The following MB21D2 variants were observed in gnomAD, a reference collection of about 807,000 sequenced individuals.
MB21D2 encodes the protein Mab-21 domain containing 2.
A neutral mutation model predicts 33.3 loss-of-function variants in MB21D2; 9 were observed. The observed-to-expected ratio is 0.27, with a 90% CI of 0.16 to 0.47. The LOEUF (loss-of-function observed/expected upper bound fraction) is 0.47. MB21D2 is among the 20% of genes least tolerant of loss of function. MB21D2 has a pLI of 0.99. For missense variants in MB21D2, 540 were observed against 624.6 expected (o/e 0.86, Z 1.44); for synonymous variants, 241 against 236.3 (o/e 1.02, Z -0.18).
At chr3:192,899,319 A>C (rs993528922) in intron 1 of MB21D2, among the ~76,000 whole-genome samples, 9 of 152,126 alleles carry the variant, frequency 5.9e-5, no homozygotes, top group African/African-American at 2.2e-4. Context: ...ACTTGAGGTC[A>C]GGAGTTCGAG....
In MB21D2 at chr3:192,883,141, G is replaced by A. The variant is rs934753822; in HGVS notation, c.211+34489C>T. The stretch of plus-strand genomic sequence containing the variant: ...TCTCGGCCTCCCAAAGTGCTGGGAC[G>A]ACAGGTGTAAGCCACCGTGCCCAGC... On this transcript the variant is annotated intron_variant, in intron 1 of 1. Coordinates refer to ENST00000392452, the MANE Select transcript of MB21D2 (RefSeq NM_178496.4). Among the ~76,000 whole-genome samples, 4 of 151,996 alleles carry A rather than the reference G, an allele frequency of 2.6e-5. No individual in the cohort carries two copies. The East Asian group carries it at 5.8e-4, about 22-fold the overall frequency.
intron 1 of MB21D2, among the ~76,000 whole-genome samples, chr3:192,890,632 C>G (rs986214464): frequency 1.3e-5 from 2 of 151,744 alleles, no homozygotes; most frequent in Non-Finnish European, 2.9e-5. Flanking sequence ...GTTGGCATAC[C>G]CTGCCATTCC....
intron 1 of MB21D2, among the ~76,000 whole-genome samples, chr3:192,845,664 G>A (rs917106033): frequency 2.6e-5 from 4 of 152,234 alleles, no homozygotes; most frequent in African/African-American, 9.6e-5. Context: ...AAGGGCAACA[G>A]AGACTGAAAT....
rs568791595 is a variant in MB21D2 at position 192,806,369 on chromosome 3, T to A, written c.212-6719A>T. ...TTGTGGAATCCACTTACACAACAAG[T>A]TGGTCCTCTGTATAAGTGGGTTTCA... On this transcript the variant is annotated intron_variant, in intron 1 of 1. Coordinates refer to ENST00000392452, the MANE Select transcript of MB21D2 (RefSeq NM_178496.4). Among the ~76,000 whole-genome samples the A allele has an allele frequency of 7.6e-4, 116 of 152,330 alleles. 1 individual carries two copies. Among genetic ancestry groups the A allele is most frequent in the African/African-American group, 2.5e-3 (106 of 41,588 alleles).
At chr3:192,820,934 T>A (rs968978941) in intron 1 of MB21D2, among the ~76,000 whole-genome samples, 3 of 152,118 alleles carry the variant, frequency 2.0e-5, no homozygotes, top group Non-Finnish European at 4.4e-5. Context: ...CAGCTTTTTT[T>A]TATATATATT....
chr3:192,885,314 G>A (rs1171115025), intron 1 of MB21D2, among the ~76,000 whole-genome samples: 2 of 152,026 alleles, frequency 1.3e-5, no homozygotes, highest in African/African-American at 4.8e-5. Flanking sequence ...CAATATTTCT[G>A]CTCTCCACTC....
intron 1 of MB21D2, among the ~76,000 whole-genome samples, chr3:192,894,183 C>T (rs548099817): frequency 6.6e-6 from 1 of 152,138 alleles, no homozygotes; most frequent in Non-Finnish European, 1.5e-5. Flanking sequence ...GGCTGTAGTG[C>T]AGTGGCGCAA....
At chr3:192,825,319 C>G (rs1712151665) in intron 1 of MB21D2, among the ~76,000 whole-genome samples, 2 of 152,092 alleles carry the variant, frequency 1.3e-5, no homozygotes, top group Non-Finnish European at 2.9e-5. Context: ...AAAACAGAGG[C>G]CTGGATAAAT....
At chr3:192,838,289 A>G (rs748186802) in intron 1 of MB21D2, among the ~76,000 whole-genome samples, 1 of 152,234 alleles carries the variant, frequency 6.6e-6, no homozygotes, top group Non-Finnish European at 1.5e-5. Flanking sequence ...AGGAAACCAC[A>G]GTGCCTTTAA....
chr3:192,837,795 A>G lies in MB21D2; in HGVS notation c.212-38145T>C, dbSNP rs553295998. Among the ~76,000 whole-genome samples the G allele has an allele frequency of 3.9e-5, 6 of 152,370 alleles. No homozygotes were observed. In the South Asian group the frequency reaches 1.2e-3, roughly 32 times the overall value. ...GGTGATTGTCTAATTTGAGAAACAC[A>G]CACACATATTATAGTTGAAAGAAAA... On this transcript the variant is annotated intron_variant, in intron 1 of 1. Coordinates refer to ENST00000392452, the MANE Select transcript of MB21D2 (RefSeq NM_178496.4).
chr3:192,848,207 G>A (rs1465118564), intron 1 of MB21D2, among the ~76,000 whole-genome samples: 4 of 152,110 alleles, frequency 2.6e-5, no homozygotes, highest in African/African-American at 4.8e-5. Flanking sequence ...CTTAACCCAC[G>A]GAAACTGACA....
intron 1 of MB21D2, among the ~76,000 whole-genome samples, chr3:192,885,352 C>A (rs557683864): frequency 6.6e-6 from 1 of 152,110 alleles, no homozygotes; most frequent in East Asian, 1.9e-4. Context: ...ATTTAAAATC[C>A]CAAATCTTCT....
chr3:192,890,631 C>T (rs1404770880), intron 1 of MB21D2, among the ~76,000 whole-genome samples: 9 of 151,606 alleles, frequency 5.9e-5, no homozygotes, highest in Non-Finnish European at 1.3e-4. Flanking sequence ...AGTTGGCATA[C>T]CCTGCCATTC....
intron 1 of MB21D2, among the ~76,000 whole-genome samples, chr3:192,872,060 A>G (rs1713315154): frequency 6.6e-6 from 1 of 152,236 alleles, no homozygotes; most frequent in African/African-American, 2.4e-5. Context: ...TTTGTCTCTC[A>G]TAAAACTGAG....
intron 1 of MB21D2, among the ~76,000 whole-genome samples, chr3:192,808,348 A>G (rs947925140): frequency 1.1e-4 from 16 of 152,236 alleles, no homozygotes; most frequent in Non-Finnish European, 2.1e-4. Flanking sequence ...GCCAAAATGC[A>G]CAAGAGGAAG....
At chr3:192,892,975 G>A (rs1032483204) in intron 1 of MB21D2, among the ~76,000 whole-genome samples, 1 of 152,164 alleles carries the variant, frequency 6.6e-6, no homozygotes, top group South Asian at 2.1e-4. Context: ...AGATTAAGAT[G>A]AATTTTCCTT....
rs148952805 is a variant in MB21D2 at position 192,876,506 on chromosome 3, C to T, written c.211+41124G>A. Among the ~76,000 whole-genome samples, 496 of 152,310 alleles carry T rather than the reference C, an allele frequency of 3.3e-3. 1 individual carries two copies. Among genetic ancestry groups the T allele is most frequent in the Non-Finnish European group, 5.2e-3 (353 of 68,034 alleles). On this transcript the variant is annotated intron_variant, in intron 1 of 1. Coordinates refer to ENST00000392452, the MANE Select transcript of MB21D2 (RefSeq NM_178496.4). ...TCCTAACTGGTCTTCTTTGTTAGTC[C>T]ATTCCACCGCTTCTCAACCTTGTAG...
chr3:192,852,068 A>T (rs140404189), intron 1 of MB21D2, among the ~76,000 whole-genome samples: 44 of 152,324 alleles, frequency 2.9e-4, no homozygotes, highest in African/African-American at 1.1e-3. Flanking sequence ...GTGTACACTG[A>T]CTCACTGTGG....
chr3:192,798,703 G>T lies in MB21D2; in HGVS notation c.1159C>A (p.His387Asn). 1 of 1,613,326 alleles carries T rather than the reference G, an allele frequency of 6.2e-7. No homozygotes were observed. The change falls in exon 2 of 2, where the codon CAT becomes AAT. Residue 387 changes from histidine to asparagine, a missense_variant. By Grantham distance (68) the His-to-Asn change is moderately conservative. Coordinates refer to ENST00000392452, the MANE Select transcript of MB21D2 (RefSeq NM_178496.4). The surrounding 1 kb of genome is among the most constrained non-coding windows in gnomAD (Gnocchi z 4.8). Reference sequence around the variant, plus strand: ...AGCATGACTGTCTCCTCAGACAGATGTTCCAGCATGTTGCACTGAGGGATG... The same window carrying T: ...AGCATGACTGTCTCCTCAGACAGATTTTCCAGCATGTTGCACTGAGGGATG... ...YFIPQCNMLE[H>N]LSEETVMLHA...
Sources: allele counts gnomAD v4.1 joint callset (sites outside exome capture counted in the v4.1 genomes callset), GRCh38; gene constraint gnomAD v4.1.1; non-coding constraint Gnocchi (gnomAD v3.1); transcripts MANE v1.5; gene names NCBI Gene and HGNC (gene_info 2026-07-23, HGNC 2026-07-21).